FTO: variants seen among roughly 807,000 people sequenced by gnomAD.
The protein encoded by FTO is FTO alpha-ketoglutarate dependent dioxygenase, also known as alpha-ketoglutarate-dependent dioxygenase FTO.
A neutral mutation model predicts 63.9 loss-of-function variants in FTO; 47 were observed. That is an observed-to-expected ratio of 0.74 (90% CI 0.58 to 0.94). The LOEUF is 0.94. FTO is among the 40% of genes least tolerant of loss of function. The pLI is 0.00. For missense variants in FTO, 562 were observed against 618.1 expected, an observed-to-expected ratio of 0.91 and a Z score of 0.96; for synonymous variants, 207 against 224.4, an observed-to-expected ratio of 0.92 and a Z score of 0.69.
At chr16:53,918,778 T>C (rs1156808555) in intron 7 of FTO, among the ~76,000 whole-genome samples, 1 of 152,218 alleles carries the variant, frequency 6.6e-6, no homozygotes, top group African/African-American at 2.4e-5. Flanking sequence ...ATGTCATTGA[T>C]TGGTTTATCA....
At chr16:53,924,151 T>G (rs1187840039) in intron 7 of FTO, among the ~76,000 whole-genome samples, 2 of 152,192 alleles carry the variant, frequency 1.3e-5, no homozygotes, top group African/African-American at 4.8e-5. Flanking sequence ...AATACCAATT[T>G]CTAACATTTA....
chr16:54,023,347 G>A (rs145674875), intron 8 of FTO, among the ~76,000 whole-genome samples: 251 of 152,306 alleles, frequency 1.6e-3, no homozygotes, highest in African/African-American at 5.8e-3. Flanking sequence ...TGTTTTGTGA[G>A]CTTGACTGAT....
In FTO at chr16:54,117,676, T is replaced by A. The variant is rs1054468525; in HGVS notation, c.*5761T>A. 2.6e-5 allele frequency: 4 copies of A among 152,202 alleles called. No individual in the cohort carries two copies. Among genetic ancestry groups the A allele is most frequent in the Admixed American group, 2.0e-4 (3 of 15,276 alleles). The allele number at this position is 152,202 out of a possible 1,614,324, so 9.4% of individuals were successfully genotyped here. A position where few individuals can be genotyped will look rare whatever the true frequency, so the allele number is the denominator to read the frequency against. ...TCGCTAGGCGGATGGCATGGAACTT[T>A]TTATAAATGAGATATTATGAAAAAT... On this transcript the variant is annotated 3_prime_UTR_variant, in exon 9 of 9. Transcript: ENST00000471389.
intron 7 of FTO, among the ~76,000 whole-genome samples, 195 bp downstream of exon 7, chr16:53,889,146 A>G (rs2081083432): frequency 2.0e-5 from 3 of 152,210 alleles, no homozygotes; most frequent in Non-Finnish European, 4.4e-5. Flanking sequence ...TTTATTGAGT[A>G]TTTTCTCCTC....
intron 2 of FTO, among the ~76,000 whole-genome samples, chr16:53,814,090 C>T (rs1189986618): frequency 6.6e-6 from 1 of 152,178 alleles, no homozygotes; most frequent in Admixed American, 6.5e-5. Flanking sequence ...GCTCTTTCTG[C>T]TGTATTGTCC....
intron 1 of FTO, among the ~76,000 whole-genome samples, chr16:53,782,665 C>T (rs2077618361): frequency 6.6e-6 from 1 of 152,198 alleles, no homozygotes; most frequent in African/African-American, 2.4e-5. Flanking sequence ...GGTATAGTGG[C>T]AGAGCTCAGG....
intron 1 of FTO, among the ~76,000 whole-genome samples, chr16:53,759,693 CAAAAAAAAAAAA>C (rs758376530): frequency 1.4e-4 from 4 of 28,512 alleles, no homozygotes; most frequent in African/African-American, 6.3e-4. Context: ...GACTCCTTCT[CAAAAAAAAAAAA>C]AAAAAAAAAA....
Position 53,826,446 on chromosome 16 carries a change from CT to C in FTO, c.707del (p.Leu236ArgfsTer45), listed in dbSNP as rs1267548284. The C allele has an allele frequency of 6.2e-7, 1 of 1,614,028 alleles. No homozygotes were observed. The highest frequency in any genetic ancestry group is 1.3e-5 in the African/African-American group (1 of 74,916). ...AGTGAGCTGGCATCATGATGAAAAT[CT>C]GGTGGACAGGTCAGCGGTGGCAGTG... is the stretch of plus-strand genomic sequence containing the variant. Reference protein sequence around the residue: ...MAVSWHHDENLVDRSAVAVYS... With the variant: ...MAVSWHHDENXVDRSAVAVYS... On this transcript the variant is annotated frameshift_variant, in exon 3 of 9. Transcript: ENST00000471389. LOFTEE classifies it high-confidence loss of function.
intron 8 of FTO, among the ~76,000 whole-genome samples, chr16:54,108,186 A>G (rs1230769042): frequency 6.6e-6 from 1 of 152,184 alleles, no homozygotes; most frequent in African/African-American, 2.4e-5. Flanking sequence ...TCGTAAGACA[A>G]TTTGGGGCCC....
chr16:53,956,858 T>C (rs2082943212), intron 8 of FTO: 1 of 151,766 alleles, frequency 6.6e-6, no homozygotes, highest in African/African-American at 2.4e-5. Flanking sequence ...AGAGACGGGG[T>C]TTCTCCATGT....
chr16:53,877,403 A>G (rs1018406508), intron 5 of FTO, among the ~76,000 whole-genome samples: 1 of 152,240 alleles, frequency 6.6e-6, no homozygotes, highest in Non-Finnish European at 1.5e-5. Context: ...AACATGAATA[A>G]CTCTTGAAAA....
chr16:53,906,002 T>C (rs548142196), intron 7 of FTO, among the ~76,000 whole-genome samples: 160 of 152,332 alleles, frequency 1.1e-3, no homozygotes, highest in African/African-American at 3.7e-3. Flanking sequence ...AGAAATCTTA[T>C]CTTTTTCACC....
chr16:53,972,208 G>A (rs2083339225), intron 8 of FTO, among the ~76,000 whole-genome samples: 1 of 151,996 alleles, frequency 6.6e-6, no homozygotes. Flanking sequence ...TAACAGTCCT[G>A]TTAGACAATA....
intron 3 of FTO, among the ~76,000 whole-genome samples, 182 bp from the exon 4 acceptor site, chr16:53,843,973 A>C (rs1294729831): frequency 6.6e-6 from 1 of 152,158 alleles, no homozygotes; most frequent in Non-Finnish European, 1.5e-5. Flanking sequence ...TTGATGAAAA[A>C]ATTAATGACA....
chr16:53,714,603 CTGT>C (rs1419237279), intron 1 of FTO, among the ~76,000 whole-genome samples: 9 of 152,128 alleles, frequency 5.9e-5, no homozygotes, highest in Non-Finnish European at 7.3e-5. Flanking sequence ...GGACTCTAGC[CTGT>C]TGTCATGTCA....
At chr16:53,950,177 A>C (rs981822686) in intron 8 of FTO, among the ~76,000 whole-genome samples, 3 of 147,742 alleles carry the variant, frequency 2.0e-5, no homozygotes, top group East Asian at 1.9e-4. Context: ...AAAAAAAAAA[A>C]AACTTAATCC....
intron 1 of FTO, among the ~76,000 whole-genome samples, chr16:53,806,801 T>G (rs1405269792): frequency 6.6e-6 from 1 of 152,082 alleles, no homozygotes. Flanking sequence ...ATGGTACAAG[T>G]GTATTAGAAG....
At position 53,886,089 on chromosome 16, in the gene FTO, C is replaced by CCTA. The variant is rs2080989192; in HGVS notation, c.1120-2742_1120-2741insTAC. Reference sequence around the variant, plus strand: ...TCTGCCTCAAAACATGGTTGGGCATCCAAGGGAAGATGAAGGCATTATTTA... The same window carrying CCTA: ...TCTGCCTCAAAACATGGTTGGGCATCCTACAAGGGAAGATGAAGGCATTATTTA... On this transcript the variant is annotated intron_variant, in intron 6 of 8. Transcript: ENST00000471389. 3.3e-5 allele frequency among the ~76,000 whole-genome samples: 5 copies of CCTA among 152,234 alleles called. No homozygotes were observed. In the South Asian group the frequency reaches 1.0e-3, roughly 32 times the overall value.
At chr16:54,077,043 A>G (rs1406035042) in intron 8 of FTO, among the ~76,000 whole-genome samples, 1 of 152,242 alleles carries the variant, frequency 6.6e-6, no homozygotes, top group Non-Finnish European at 1.5e-5. Context: ...AAGGAGCGTC[A>G]TTATTATATC....
Sources: gnomAD v4.1 joint callset for allele counts (sites outside exome capture counted in the v4.1 genomes callset) on GRCh38, gnomAD v4.1.1 for gene constraint, MANE v1.5 for transcripts, NCBI Gene and HGNC (gene_info 2026-07-23, HGNC 2026-07-21) for gene names.